Variants in SNX25 observed in about 807,000 individuals in gnomAD.
The protein encoded by SNX25 is sorting nexin-25.
In SNX25, 62 loss-of-function variants were observed where a neutral mutation model predicts 113.7. That is an observed-to-expected ratio of 0.55 (90% CI 0.44 to 0.67). SNX25 has a LOEUF of 0.67. SNX25 is among the 30% of genes least tolerant of loss of function. The pLI is 0.00. For synonymous variants in SNX25, 421 were observed against 436.2 expected, an observed-to-expected ratio of 0.97 and a Z score of 0.43; for missense variants, 1,014 against 1,161.0, an observed-to-expected ratio of 0.87 and a Z score of 1.84.
intron 1 of SNX25, among the ~76,000 whole-genome samples, chr4:185,241,344 G>A (rs1379588805): frequency 2.0e-5 from 3 of 151,454 alleles, no homozygotes; most frequent in African/African-American, 4.8e-5. Context: ...CAGGCGTGGC[G>A]GCGCGCGCCT....
chr4:185,211,239 G>A (rs1026833601), intron 1 of SNX25, among the ~76,000 whole-genome samples: 1 of 152,216 alleles, frequency 6.6e-6, no homozygotes, highest in Non-Finnish European at 1.5e-5. Flanking sequence ...TACTCTGAGT[G>A]TGTTAGTTCA....
At chr4:185,222,238 C>G (rs1740033962) in intron 1 of SNX25, among the ~76,000 whole-genome samples, 1 of 65,150 alleles carries the variant, frequency 1.5e-5, no homozygotes, top group South Asian at 5.1e-4. Flanking sequence ...GCCATATACC[C>G]CTCCTTCGCG....
chr4:185,214,036 T>G, intron 1 of SNX25, among the ~76,000 whole-genome samples: 1 of 151,506 alleles, frequency 6.6e-6, no homozygotes, highest in East Asian at 1.9e-4. Flanking sequence ...TCCTAAGAGA[T>G]GGTTTAATTA....
Position 185,210,434 on chromosome 4 carries a change from G to A in SNX25, c.429+179G>A, listed in dbSNP as rs1227429625. ...CGAGCGTTCCCCGGCGCCCGCGCGC[G>A]GCGGGCTCCGGGCTCCGGGCTCCGC... On this transcript the variant is annotated intron_variant, in intron 1 of 18. Transcript: ENST00000652585. This position sits in a 1 kb window ranked among gnomAD's most constrained non-coding sequence, Gnocchi z 4.4. Among the ~76,000 whole-genome samples, 3 of 137,468 alleles carry A rather than the reference G, an allele frequency of 2.2e-5. No homozygotes were observed. Among genetic ancestry groups the A allele is most frequent in the African/African-American group, 7.4e-5 (3 of 40,398 alleles). 90.2% of individuals were successfully genotyped at this position (137,468 alleles called of 152,430 possible). A position where few individuals can be genotyped will look rare whatever the true frequency, so the allele number is the denominator to read the frequency against.
At chr4:185,305,885 T>C (rs1448145084) in intron 6 of SNX25, among the ~76,000 whole-genome samples, 1 of 152,214 alleles carries the variant, frequency 6.6e-6, no homozygotes, top group Non-Finnish European at 1.5e-5. Context: ...AAACCCGTGA[T>C]TACTTTTGCA....
intron 14 of SNX25, chr4:185,352,950 C>T (rs1169001171): frequency 6.5e-6 from 1 of 153,584 alleles, no homozygotes; most frequent in East Asian, 1.9e-4. Context: ...GTCTAGATCC[C>T]CCTCACACTC....
chr4:185,257,908 A>T (rs567403252), intron 2 of SNX25, among the ~76,000 whole-genome samples: 4 of 152,352 alleles, frequency 2.6e-5, no homozygotes, highest in African/African-American at 9.6e-5. Context: ...TTCCTAGGTT[A>T]GTTGAGGTCT....
chr4:185,373,432 GA>G (rs1226896649), downstream of SNX25, among the ~76,000 whole-genome samples: 1 of 152,204 alleles, frequency 6.6e-6, no homozygotes. Context: ...CAGAGGAGGG[GA>G]AACCACTGAT....
At chr4:185,335,212 C>T (rs572046345) in intron 10 of SNX25, among the ~76,000 whole-genome samples, 20 of 151,572 alleles carry the variant, frequency 1.3e-4, no homozygotes, top group Non-Finnish European at 2.9e-4. Flanking sequence ...CCCAGCTACT[C>T]GGGAGGCTGA....
At chr4:185,336,360 C>G (rs2126714328) in intron 10 of SNX25, among the ~76,000 whole-genome samples, 1 of 152,282 alleles carries the variant, frequency 6.6e-6, no homozygotes, top group East Asian at 1.9e-4. Flanking sequence ...TCCAGTGTAT[C>G]ATTCTCATGC....
intron 3 of SNX25, among the ~76,000 whole-genome samples, chr4:185,259,799 A>G (rs1440056198): frequency 6.6e-6 from 1 of 152,216 alleles, no homozygotes; most frequent in Non-Finnish European, 1.5e-5. Context: ...AATGTGGCCT[A>G]TTCTCACTCT....
intron 6 of SNX25, among the ~76,000 whole-genome samples, chr4:185,310,169 T>C (rs1755040961): frequency 6.6e-6 from 1 of 152,252 alleles, no homozygotes; most frequent in South Asian, 2.1e-4. Context: ...TAGCCCGTGT[T>C]ATAGGTGCTT....
rs140936105 is a variant in SNX25, at chr4:185,349,254, G to A, written c.2302-2191G>A. On this transcript the variant is annotated intron_variant, in intron 13 of 18. Coordinates refer to ENST00000652585, the MANE Select transcript of SNX25 (RefSeq NM_001378034.2). Reference sequence around the variant, plus strand: ...TTGCATTGGGCTGCATGTAGCCCGCGGGCTGTGGGTTGGACAAGCTTGATG... The same window carrying A: ...TTGCATTGGGCTGCATGTAGCCCGCAGGCTGTGGGTTGGACAAGCTTGATG... 9.3e-3 allele frequency among the ~76,000 whole-genome samples: 1,422 copies of A among 152,244 alleles called. 8 individuals carry two copies. The highest frequency in any genetic ancestry group is 0.016 in the Non-Finnish European group (1,066 of 68,006).
At position 185,265,214 on chromosome 4, in the gene SNX25, C is replaced by T. The variant is rs569886484; in HGVS notation, c.904+604C>T. ...ATAATGCGTATACAGTAATGCATTG[C>T]TTAACAACAGGGATGTGTCCGAAGA... On this transcript the variant is annotated intron_variant, in intron 4 of 18. Coordinates refer to ENST00000652585, the MANE Select transcript of SNX25 (RefSeq NM_001378034.2). Among the ~76,000 whole-genome samples the T allele has an allele frequency of 6.6e-5, 10 of 152,246 alleles. No homozygotes were observed. In the South Asian group the frequency reaches 1.9e-3, roughly 28 times the overall value.
Position 185,310,818 on chromosome 4 carries a change from T to C in SNX25, c.1344+2T>C, listed in dbSNP as rs1314456342. ...GGGGAAGGGCCTCAAAGCCAGAAGGTAGAACTTTATAGTTTCTTGTTTTGA... is the reference window on the plus strand; with the variant it reads ...GGGGAAGGGCCTCAAAGCCAGAAGGCAGAACTTTATAGTTTCTTGTTTTGA... On this transcript the variant is annotated splice_donor_variant, in intron 7 of 18. Transcript: ENST00000652585. LOFTEE classifies it high-confidence loss of function. The C allele has an allele frequency of 6.3e-7, 1 of 1,597,232 alleles. No individual in the cohort carries two copies. Among genetic ancestry groups the C allele is most frequent in the Non-Finnish European group, 8.5e-7 (1 of 1,174,132 alleles).
At chr4:185,376,940 T>C in the SNX25 span, 2 of 1,613,670 alleles carry the variant, frequency 1.2e-6, no homozygotes, top group South Asian at 1.1e-5. Context: ...TCGTAGGAAA[T>C]ATGCCAGAGT....
chr4:185,336,905 A>G (rs751920963), intron 10 of SNX25, among the ~76,000 whole-genome samples: 1 of 152,038 alleles, frequency 6.6e-6, no homozygotes, highest in Non-Finnish European at 1.5e-5. Flanking sequence ...CATTTCCCTG[A>G]TGATTAGTGA....
chr4:185,353,692 C>A, intron 15 of SNX25, 90 bp downstream of exon 15: 1 of 986,316 alleles, frequency 1.0e-6, no homozygotes, highest in Non-Finnish European at 1.6e-6. Flanking sequence ...CCCTTTATTG[C>A]TGAAATGCAT....
intron 2 of SNX25, among the ~76,000 whole-genome samples, chr4:185,250,825 G>T (rs1745523251): frequency 6.6e-6 from 1 of 150,764 alleles, no homozygotes. Flanking sequence ...TTTTTTTCCA[G>T]ATTTCCAAAT....
Sources: allele counts gnomAD v4.1 joint callset (sites outside exome capture counted in the v4.1 genomes callset), GRCh38; gene constraint gnomAD v4.1.1; non-coding constraint Gnocchi (gnomAD v3.1); transcripts MANE v1.5; gene names NCBI Gene and HGNC (gene_info 2026-07-23, HGNC 2026-07-21).